The following RGS6 variants were observed in gnomAD, a reference collection of about 807,000 sequenced individuals.
RGS6 encodes the protein regulator of G protein signaling 6.
RGS6 carries 30 observed loss-of-function variants against 78.5 expected under a neutral mutation model. That is an observed-to-expected ratio of 0.38 (90% CI 0.29 to 0.52). The LOEUF (loss-of-function observed/expected upper bound fraction) is 0.52, where lower values mean the gene tolerates loss of function less well. RGS6 is among the 20% of genes least tolerant of loss of function. The probability of loss-of-function intolerance (pLI) is 0.85; values close to 1 mark genes in which losing one functional copy is unlikely to be tolerated. For synonymous variants in RGS6, 206 were observed against 206.0 expected, an observed-to-expected ratio of 1.00 and a Z score of 0.00; for missense variants, 495 against 609.7, an observed-to-expected ratio of 0.81 and a Z score of 1.98.
chr14:72,421,838 G>A (rs1393987831), intron 3 of RGS6: 1 of 152,276 alleles, frequency 6.6e-6, no homozygotes, highest in African/African-American at 2.4e-5. Flanking sequence ...GTAACTTGCT[G>A]TGGGCTGCAA....
chr14:72,370,399 G>A (rs2083259995), intron 3 of RGS6, among the ~76,000 whole-genome samples: 1 of 152,190 alleles, frequency 6.6e-6, no homozygotes, highest in Non-Finnish European at 1.5e-5. Flanking sequence ...CACATGCAAA[G>A]ATGAGAGCTT....
intron 12 of RGS6, among the ~76,000 whole-genome samples, chr14:72,492,700 C>G (rs1261691325): frequency 6.6e-6 from 1 of 152,078 alleles, no homozygotes; most frequent in African/African-American, 2.4e-5. Context: ...CCCAACAGAC[C>G]CTCAGCCCCT....
intron 2 of RGS6, among the ~76,000 whole-genome samples, chr14:72,144,792 A>G (rs1024053891): frequency 3.3e-5 from 5 of 150,774 alleles, no homozygotes; most frequent in Admixed American, 6.6e-5. Context: ...GTGGGTTCAC[A>G]TTGCCTGCTG....
chr14:72,203,051 T>A (rs1448587406), intron 2 of RGS6, among the ~76,000 whole-genome samples: 2 of 151,944 alleles, frequency 1.3e-5, no homozygotes, highest in Non-Finnish European at 2.9e-5. Context: ...ATTTTTTGTA[T>A]TTTTTAGTGG....
At chr14:72,340,076 G>A (rs116414363) in intron 2 of RGS6, among the ~76,000 whole-genome samples, 1 of 152,162 alleles carries the variant, frequency 6.6e-6, no homozygotes, top group East Asian at 1.9e-4. Context: ...CACCTAGCAT[G>A]CAGTGAGTGC....
the RGS6 span, among the ~76,000 whole-genome samples, chr14:71,890,041 T>C: frequency 2.6e-5 from 4 of 152,180 alleles, no homozygotes; most frequent in Non-Finnish European, 5.9e-5. Flanking sequence ...GGAAGCTCTC[T>C]GAGGCCCCCC....
chr14:72,518,094 T>C lies in RGS6; in HGVS notation c.1092-257T>C, dbSNP rs539477573. 9.3e-4 allele frequency among the ~76,000 whole-genome samples: 141 copies of C among 152,352 alleles called. 1 individual carries two copies. The highest frequency in any genetic ancestry group is 1.4e-3 in the Non-Finnish European group (93 of 68,026). On this transcript the variant is annotated intron_variant, in intron 14 of 17. Transcript: ENST00000553525. Reference sequence around the variant, plus strand: ...GTGCTGAGGTTGAGAAACCTTCATGTAGAAGGAGAGAAATCCCGTTCTGAT... The same window carrying C: ...GTGCTGAGGTTGAGAAACCTTCATGCAGAAGGAGAGAAATCCCGTTCTGAT...
In RGS6 at chr14:72,010,302, T is replaced by C. The variant is rs139692651; in HGVS notation, c.84+45427T>C. Reference sequence around the variant, plus strand: ...TTGCCTTGAGGAAAGTTCAGACAAATTAACTTTCCATTTTACATTGCACCC... The same window carrying C: ...TTGCCTTGAGGAAAGTTCAGACAAACTAACTTTCCATTTTACATTGCACCC... On this transcript the variant is annotated intron_variant, in intron 2 of 17. Coordinates refer to ENST00000553525, the MANE Select transcript of RGS6 (RefSeq NM_001204424.2). Among the ~76,000 whole-genome samples the C allele has an allele frequency of 6.6e-3, 1,003 of 152,282 alleles. 6 individuals carry two copies. The highest frequency in any genetic ancestry group is 0.011 in the Non-Finnish European group (715 of 68,028).
At chr14:71,886,369 T>C in the RGS6 span, among the ~76,000 whole-genome samples, 1 of 152,254 alleles carries the variant, frequency 6.6e-6, no homozygotes, top group Non-Finnish European at 1.5e-5. Context: ...TCAATTAACG[T>C]CACTGTGCAC....
the RGS6 span, among the ~76,000 whole-genome samples, chr14:71,868,782 G>A: frequency 3.3e-5 from 5 of 152,180 alleles, no homozygotes; most frequent in East Asian, 1.9e-4. Flanking sequence ...TTGGCCTCTC[G>A]TCCTACTGCA....
the RGS6 span, among the ~76,000 whole-genome samples, chr14:72,596,971 G>T: frequency 2.0e-5 from 3 of 152,170 alleles, no homozygotes; most frequent in Non-Finnish European, 4.4e-5. Context: ...AGGCACGGTG[G>T]CTCACGCCTG....
the RGS6 span, among the ~76,000 whole-genome samples, chr14:71,915,705 C>G: frequency 2.6e-5 from 4 of 152,150 alleles, no homozygotes; most frequent in Non-Finnish European, 5.9e-5. Context: ...GTGTTATGGG[C>G]TGAATTTTGG....
intron 2 of RGS6, among the ~76,000 whole-genome samples, chr14:72,096,499 T>C (rs1323214614): frequency 2.6e-5 from 4 of 152,160 alleles, no homozygotes; most frequent in African/African-American, 4.8e-5. Context: ...AGACTCTTCT[T>C]TGATTTCATA....
chr14:72,437,933 T>C (rs1353717036), intron 3 of RGS6, among the ~76,000 whole-genome samples: 1 of 152,198 alleles, frequency 6.6e-6, no homozygotes, highest in Non-Finnish European at 1.5e-5. Flanking sequence ...TTAAACTTGT[T>C]ATTAATCAGA....
At chr14:72,484,115 G>T (rs988418597) in intron 12 of RGS6, among the ~76,000 whole-genome samples, 1 of 152,120 alleles carries the variant, frequency 6.6e-6, no homozygotes, top group African/African-American at 2.4e-5. Context: ...TTCAGAAACT[G>T]CATGTAGCAG....
At chr14:71,919,267 G>C in the RGS6 span, among the ~76,000 whole-genome samples, 2 of 152,280 alleles carry the variant, frequency 1.3e-5, no homozygotes, top group African/African-American at 4.8e-5. Context: ...GTGGGGGTGA[G>C]GGCAGGTCCC....
intron 2 of RGS6, among the ~76,000 whole-genome samples, chr14:72,276,721 A>G (rs1177571957): frequency 1.3e-5 from 2 of 152,180 alleles, no homozygotes; most frequent in Non-Finnish European, 2.9e-5. Flanking sequence ...ATTGCCATGT[A>G]AGATATTCCT....
In RGS6 at chr14:72,092,330, A is replaced by G. The variant is rs189397658; in HGVS notation, c.84+127455A>G. Among the ~76,000 whole-genome samples, 3 of 152,098 alleles carry G rather than the reference A, an allele frequency of 2.0e-5. No individual in the cohort carries two copies. In the East Asian group the frequency reaches 5.8e-4, roughly 30 times the overall value. On this transcript the variant is annotated intron_variant, in intron 2 of 17. Transcript: ENST00000553525. Reference sequence around the variant, plus strand: ...TGAAGGATGGCTATGGGAAAAGTCCACTTGAAGGATGTTTTGTCATTTATT... The same window carrying G: ...TGAAGGATGGCTATGGGAAAAGTCCGCTTGAAGGATGTTTTGTCATTTATT...
intron 2 of RGS6, among the ~76,000 whole-genome samples, chr14:72,193,735 C>G (rs1251372845): frequency 6.6e-6 from 1 of 152,144 alleles, no homozygotes; most frequent in Non-Finnish European, 1.5e-5. Context: ...GACATTTGAG[C>G]AGAGACATGA....
Sources: gnomAD v4.1 joint callset for allele counts (sites outside exome capture counted in the v4.1 genomes callset) on GRCh38, gnomAD v4.1.1 for gene constraint, MANE v1.5 for transcripts, NCBI Gene and HGNC (gene_info 2026-07-23, HGNC 2026-07-21) for gene names.